The following MBP variants were observed in gnomAD, a reference collection of about 807,000 sequenced individuals.
MBP encodes the protein myelin basic protein.
MBP carries 16 observed loss-of-function variants against 35.8 expected under a neutral mutation model. The observed-to-expected ratio is 0.45, with a 90% CI of 0.30 to 0.68. The LOEUF (loss-of-function observed/expected upper bound fraction) is 0.68. Among genes scored for constraint, MBP ranks in the 30% least tolerant of loss-of-function variants. The pLI is 0.08. For missense variants in MBP, 380 were observed against 404.7 expected (o/e 0.94, Z 0.52); for synonymous variants, 143 against 159.6 (o/e 0.90, Z 0.78).
intron 1 of MBP, chr18:77,110,201 G>A (rs1976402594): frequency 6.6e-6 from 1 of 152,192 alleles, no homozygotes; most frequent in Non-Finnish European, 1.5e-5. Flanking sequence ...CATGTGGAAA[G>A]TATGACAGTA....
Position 77,100,473 on chromosome 18 carries a change from A to G in MBP, c.51+4738T>C, listed in dbSNP as rs1303067268. Among the ~76,000 whole-genome samples, 3 of 151,712 alleles carry G rather than the reference A, an allele frequency of 2.0e-5. No homozygotes were observed. The East Asian group carries it at 5.8e-4, about 29-fold the overall frequency. On this transcript the variant is annotated intron_variant, in intron 2 of 8. Transcript: ENST00000355994. ...AAGTCCCTGGCTCACAGGAGGCACT[A>G]ATACAGTGTTAGCGCTGGCCTAGAT...
intron 3 of MBP, among the ~76,000 whole-genome samples, chr18:77,022,445 G>T (rs765401415): frequency 6.6e-6 from 1 of 152,154 alleles, no homozygotes; most frequent in African/African-American, 2.4e-5. Flanking sequence ...ATGTAAGAAC[G>T]CTAAGCTTTA....
chr18:77,005,466 C>T (rs754965492), intron 4 of MBP: 9 of 152,214 alleles, frequency 5.9e-5, no homozygotes, highest in Non-Finnish European at 1.3e-4. Context: ...ATTCCTCTTC[C>T]TCATGGCAAG....
intron 2 of MBP, among the ~76,000 whole-genome samples, chr18:77,072,788 C>T (rs1299095780): frequency 3.3e-5 from 5 of 152,212 alleles, no homozygotes; most frequent in African/African-American, 7.2e-5. Context: ...AGATCTTAAG[C>T]GAGTCAAGCT....
At chr18:77,026,773 G>A (rs970193612) in intron 3 of MBP, among the ~76,000 whole-genome samples, 2 of 152,200 alleles carry the variant, frequency 1.3e-5, no homozygotes, top group Non-Finnish European at 2.9e-5. Flanking sequence ...GGCTGAGGTG[G>A]GAGGATCACT....
At chr18:77,068,536 G>C (rs1201468788) in intron 2 of MBP, among the ~76,000 whole-genome samples, 1 of 152,198 alleles carries the variant, frequency 6.6e-6, no homozygotes, top group Non-Finnish European at 1.5e-5. Context: ...GCTCATTGGA[G>C]CACTCATTCT....
At chr18:77,132,216 T>C (rs1977304718) in intron 1 of MBP, among the ~76,000 whole-genome samples, 1 of 151,458 alleles carries the variant, frequency 6.6e-6, no homozygotes, top group Non-Finnish European at 1.5e-5. Context: ...CCGCCGGGCC[T>C]GGCTGGAGTC....
At chr18:77,124,629 C>T (rs1330166221) in intron 1 of MBP, among the ~76,000 whole-genome samples, 3 of 151,590 alleles carry the variant, frequency 2.0e-5, no homozygotes, top group Admixed American at 1.3e-4. Flanking sequence ...AAGTCTCCCT[C>T]GGGGCCAGTG....
chr18:77,013,889 G>A (rs1266218510), intron 4 of MBP: 2 of 985,402 alleles, frequency 2.0e-6, no homozygotes, highest in Non-Finnish European at 2.4e-6. Context: ...CAAAGCTAAT[G>A]TTTCCAGGCT....
rs1278013166 is a variant in MBP at position 77,131,521 on chromosome 18, G to C, written c.-26+1059C>G. 1 of 152,016 alleles carries C rather than the reference G, an allele frequency of 6.6e-6. No homozygotes were observed. Among genetic ancestry groups the C allele is most frequent in the Admixed American group, 6.6e-5 (1 of 15,256 alleles). 9.4% of individuals were successfully genotyped at this position (152,016 alleles called of 1,614,324 possible). On this transcript the variant is annotated intron_variant, in intron 1 of 8. Coordinates refer to ENST00000355994, the MANE Select transcript of MBP (RefSeq NM_001025101.2). The surrounding 1 kb of genome is among the most constrained non-coding windows in gnomAD (Gnocchi z 5.5). ...CCTCACCCACGCGCAGAGAAACCGA[G>C]CACTTGTTGATTCTCACGTTGTTGC...
At chr18:77,090,375 A>G (rs931334809) in intron 2 of MBP, among the ~76,000 whole-genome samples, 1 of 149,374 alleles carries the variant, frequency 6.7e-6, no homozygotes, top group African/African-American at 2.5e-5. Context: ...ACCAAACAAC[A>G]CTGTTTGGAT....
At chr18:77,070,868 G>A (rs961195016) in intron 2 of MBP, among the ~76,000 whole-genome samples, 3 of 152,194 alleles carry the variant, frequency 2.0e-5, no homozygotes, top group Non-Finnish European at 2.9e-5. Context: ...GGACGTCGGC[G>A]GGCGGAATCC....
At chr18:77,097,486 G>A (rs1975808442) in intron 2 of MBP, 1 of 152,278 alleles carries the variant, frequency 6.6e-6, no homozygotes, top group East Asian at 1.9e-4. Context: ...TAGGGGAGAA[G>A]GGAGCTTTGA....
intron 3 of MBP, among the ~76,000 whole-genome samples, chr18:77,052,262 A>G (rs1396861649): frequency 6.6e-6 from 1 of 152,190 alleles, no homozygotes; most frequent in Non-Finnish European, 1.5e-5. Context: ...ATGGAAACCA[A>G]ATAGAAGTGC....
chr18:77,047,631 G>T (rs898459085), intron 3 of MBP, among the ~76,000 whole-genome samples: 2 of 152,216 alleles, frequency 1.3e-5, no homozygotes, highest in African/African-American at 4.8e-5. Context: ...GAACTCTGTG[G>T]TTTGTAAATT....
At chr18:76,984,635 T>TG in intron 8 of MBP, 140 bp downstream of exon 8, 5 of 1,169,586 alleles carry the variant, frequency 4.3e-6, no homozygotes, top group Non-Finnish European at 6.2e-6. Flanking sequence ...CCTGAGCCCC[T>TG]GCACGCCTGC....
At position 77,055,081 on chromosome 18, in the gene MBP, C is replaced by A. The variant is rs575127961; in HGVS notation, c.139+11217G>T. Reference sequence around the variant, plus strand: ...GGGAGGCCCCGCAGTTAGAAGGGAACCTTCTGGGCACGCACATCGTGGATG... The same window carrying A: ...GGGAGGCCCCGCAGTTAGAAGGGAAACTTCTGGGCACGCACATCGTGGATG... On this transcript the variant is annotated intron_variant, in intron 3 of 8. Coordinates refer to ENST00000355994, the MANE Select transcript of MBP (RefSeq NM_001025101.2). Among the ~76,000 whole-genome samples the A allele has an allele frequency of 8.5e-5, 13 of 152,308 alleles. 1 individual carries two copies. The South Asian group carries it at 2.7e-3, about 32-fold the overall frequency.
At chr18:77,010,855 G>A (rs766785120) in intron 4 of MBP, among the ~76,000 whole-genome samples, 4 of 152,224 alleles carry the variant, frequency 2.6e-5, no homozygotes, top group Non-Finnish European at 4.4e-5. Flanking sequence ...TGCAAGAAAT[G>A]TCTATTTCTT....
chr18:76,998,256 G>C (rs1970426161), intron 4 of MBP, among the ~76,000 whole-genome samples: 1 of 152,218 alleles, frequency 6.6e-6, no homozygotes, highest in Admixed American at 6.5e-5. Context: ...GGAGCCTGCA[G>C]CGTCTGTTCT....
Sources: allele counts gnomAD v4.1 joint callset (sites outside exome capture counted in the v4.1 genomes callset), GRCh38; gene constraint gnomAD v4.1.1; non-coding constraint Gnocchi (gnomAD v3.1); transcripts MANE v1.5; gene names NCBI Gene and HGNC (gene_info 2026-07-23, HGNC 2026-07-21).